KIF13A: variants seen among roughly 807,000 people sequenced by gnomAD.
KIF13A encodes kinesin-like protein KIF13A.
A neutral mutation model predicts 212.2 loss-of-function variants in KIF13A; 79 were observed. The observed-to-expected ratio is 0.37, with a 90% CI of 0.31 to 0.45. KIF13A has a LOEUF of 0.45. Among genes scored for constraint, KIF13A ranks in the 20% least tolerant of loss-of-function variants. The pLI, the probability that KIF13A is intolerant of heterozygous loss-of-function variation, is 1.00. For missense variants in KIF13A, 1,901 were observed against 2,209.0 expected (o/e 0.86, Z 2.79); for synonymous variants, 789 against 808.6 (o/e 0.98, Z 0.41).
At chr6:17,966,048 G>A (rs551278149) in intron 2 of KIF13A, among the ~76,000 whole-genome samples, 80 of 152,288 alleles carry the variant, frequency 5.3e-4, no homozygotes, top group African/African-American at 1.8e-3. Flanking sequence ...ACAAAAATTA[G>A]CTGGATGTGA....
chr6:17,789,820 CA>C lies in KIF13A; in HGVS notation c.3261+51del. On this transcript the variant is annotated intron_variant, in intron 26 of 38. Transcript: ENST00000259711. This position sits in a 1 kb window ranked among gnomAD's most constrained non-coding sequence, Gnocchi z 4.8. ...CTGGCCTCTGCTTTGCGAATGCTGGCAATTAGCAGTAGCTGTGCCCCATGCC... is the reference window on the plus strand; with the variant it reads ...CTGGCCTCTGCTTTGCGAATGCTGGCATTAGCAGTAGCTGTGCCCCATGCC... 3 of 1,528,382 alleles carry C rather than the reference CA, an allele frequency of 2.0e-6. No individual in the cohort carries two copies. Among genetic ancestry groups the C allele is most frequent in the Non-Finnish European group, 2.7e-6 (3 of 1,106,786 alleles). The allele number at this position is 1,528,382 out of a possible 1,614,324, so 94.7% of individuals were successfully genotyped here.
chr6:17,821,871 C>A lies in KIF13A; in HGVS notation c.1786+3897G>T, dbSNP rs73371139. On this transcript the variant is annotated intron_variant, in intron 16 of 38. Coordinates refer to ENST00000259711, the MANE Select transcript of KIF13A (RefSeq NM_022113.6). Reference sequence around the variant, plus strand: ...TCAAATAAGACCACCAAGGGGATGACCACCAGGCAGACAGGCTTATTATCG... The same window carrying A: ...TCAAATAAGACCACCAAGGGGATGAACACCAGGCAGACAGGCTTATTATCG... 3,883 of 1,535,236 alleles carry A rather than the reference C, an allele frequency of 2.5e-3. 73 individuals are homozygous for A. The African/African-American group carries it at 0.045, about 18-fold the overall frequency.
At chr6:17,859,295 C>T (rs1257147327) in intron 4 of KIF13A, among the ~76,000 whole-genome samples, 2 of 151,862 alleles carry the variant, frequency 1.3e-5, no homozygotes, top group African/African-American at 4.8e-5. Flanking sequence ...TCAAAGAACT[C>T]CCCAGCATAT....
chr6:17,821,673 C>T, intron 16 of KIF13A: 1 of 1,219,978 alleles, frequency 8.2e-7, no homozygotes, highest in Non-Finnish European at 1.1e-6. Flanking sequence ...ACTCCAGCTT[C>T]TTCCCAATCA....
chr6:17,760,538 C>CTA (rs747504752), downstream of KIF13A: 48 of 383,964 alleles, frequency 1.3e-4, no homozygotes, highest in Non-Finnish European at 1.9e-4. Flanking sequence ...CTGTTGGAAT[C>CTA]TGTAGAGGTT....
intron 9 of KIF13A, among the ~76,000 whole-genome samples, chr6:17,848,558 C>G (rs1173230928): frequency 4.4e-5 from 3 of 68,856 alleles, no homozygotes; most frequent in African/African-American, 1.7e-4. Context: ...ACTCGTACAT[C>G]TTTTTTTTTT....
At chr6:17,857,969 C>A (rs571399854) in intron 4 of KIF13A, among the ~76,000 whole-genome samples, 34 of 152,016 alleles carry the variant, frequency 2.2e-4, no homozygotes, top group Non-Finnish European at 4.4e-4. Context: ...AAACAATAAA[C>A]CCCCAACACC....
In KIF13A at chr6:17,855,770, G is replaced by C. The variant is rs1355766597; in HGVS notation, c.314-153C>G. Reference sequence around the variant, plus strand: ...ACCCTGTTGCTCAGGCTGGAGTGCAGTGGTGTGATCATGGCTCACTACAGT... The same window carrying C: ...ACCCTGTTGCTCAGGCTGGAGTGCACTGGTGTGATCATGGCTCACTACAGT... On this transcript the variant is annotated intron_variant, in intron 5 of 38. Coordinates refer to ENST00000259711, the MANE Select transcript of KIF13A (RefSeq NM_022113.6). This position sits in a 1 kb window ranked among gnomAD's most constrained non-coding sequence, Gnocchi z 4.1. Among the ~76,000 whole-genome samples, 1 of 152,226 alleles carries C rather than the reference G, an allele frequency of 6.6e-6. No individual in the cohort carries two copies. Among genetic ancestry groups the C allele is most frequent in the Non-Finnish European group, 1.5e-5 (1 of 68,038 alleles).
At chr6:17,973,998 A>C (rs12190794) in intron 2 of KIF13A, among the ~76,000 whole-genome samples, 33,640 of 152,198 alleles carry the variant, frequency 0.22, 4,279 homozygotes, top group African/African-American at 0.35. Flanking sequence ...TTCCCCTCTA[A>C]TGTAATTCAA....
chr6:17,789,671 T>C lies in KIF13A; in HGVS notation c.3261+201A>G, dbSNP rs778600640. Among the ~76,000 whole-genome samples, 1 of 152,216 alleles carries C rather than the reference T, an allele frequency of 6.6e-6. No homozygotes were observed. Among genetic ancestry groups the C allele is most frequent in the Non-Finnish European group, 1.5e-5 (1 of 68,040 alleles). ...GATGGCATAGCAAAAAGGCAATATTTAGTTATAAATTTTGAACTGACAAGG... is the reference window on the plus strand; with the variant it reads ...GATGGCATAGCAAAAAGGCAATATTCAGTTATAAATTTTGAACTGACAAGG... On this transcript the variant is annotated intron_variant, in intron 26 of 38. Transcript: ENST00000259711. The surrounding 1 kb of genome is among the most constrained non-coding windows in gnomAD (Gnocchi z 4.8).
chr6:17,797,048 G>C lies in KIF13A; in HGVS notation c.2791-228C>G, dbSNP rs568333541. ...CCGTTTCTTTCTTTTTTTTTTTCTT[G>C]AGACAGAGTCTTGCTCTGTCGCCCA... On this transcript the variant is annotated intron_variant, in intron 22 of 38. Transcript: ENST00000259711. Among the ~76,000 whole-genome samples the C allele has an allele frequency of 4.2e-3, 596 of 141,192 alleles. 6 individuals carry two copies. Among genetic ancestry groups the C allele is most frequent in the African/African-American group, 0.014 (550 of 38,202 alleles). The allele number at this position is 141,192 out of a possible 152,430, so 92.6% of individuals were successfully genotyped here. A position where few individuals can be genotyped will look rare whatever the true frequency, so the allele number is the denominator to read the frequency against.
At chr6:17,853,309 T>C (rs1192165541) in intron 6 of KIF13A, among the ~76,000 whole-genome samples, 1 of 152,164 alleles carries the variant, frequency 6.6e-6, no homozygotes, top group Non-Finnish European at 1.5e-5. Context: ...TCTATAATGC[T>C]ATTCAGCAGC....
Position 17,851,980 on chromosome 6 carries a change from G to A in KIF13A, c.557C>T (p.Ser186Phe). Residue 186 changes from serine to phenylalanine, a missense_variant, in exon 7 of 39, where the codon TCT becomes TTT. By Grantham distance (155) the Ser-to-Phe change is radical. Around this residue, in one of 5 missense-constraint regions of KIF13A, gnomAD observed 506 missense variants for 637.4 expected, o/e 0.79. Coordinates refer to ENST00000259711, the MANE Select transcript of KIF13A (RefSeq NM_022113.6). ...CTCAAAACTAGTGACAGCTAGTTGA[G>A]ATAAACCATCTACATATGGTCCCAA... The part of the protein sequence containing the change: ...KVLGPYVDGL[S>F]QLAVTSFEDI... The A allele has an allele frequency of 1.9e-6, 3 of 1,550,114 alleles. No homozygotes were observed. The highest frequency in any genetic ancestry group is 2.6e-6 in the Non-Finnish European group (3 of 1,151,408).
At chr6:17,857,647 GACA>G (rs945560551) in intron 4 of KIF13A, among the ~76,000 whole-genome samples, 3 of 152,086 alleles carry the variant, frequency 2.0e-5, no homozygotes, top group African/African-American at 7.2e-5. Context: ...ATAAAATTCT[GACA>G]ACATCAAATA....
chr6:17,974,835 T>TA (rs555113644), intron 2 of KIF13A, among the ~76,000 whole-genome samples: 20 of 152,354 alleles, frequency 1.3e-4, no homozygotes, highest in African/African-American at 4.6e-4. Flanking sequence ...TATAGCTGTT[T>TA]AAATCAATGA....
intron 4 of KIF13A, among the ~76,000 whole-genome samples, chr6:17,869,199 G>A (rs1242942835): frequency 6.6e-6 from 1 of 151,984 alleles, no homozygotes; most frequent in Non-Finnish European, 1.5e-5. Context: ...ATTCCAGGCT[G>A]TATCTCCTCC....
At chr6:17,864,367 A>ACAGG (rs1471305732) in intron 4 of KIF13A, among the ~76,000 whole-genome samples, 1 of 152,228 alleles carries the variant, frequency 6.6e-6, no homozygotes, top group African/African-American at 2.4e-5. Context: ...GTCTTAAAAC[A>ACAGG]CAGGCATGCC....
At chr6:17,950,149 T>C (rs567305585) in intron 2 of KIF13A, among the ~76,000 whole-genome samples, 2 of 152,322 alleles carry the variant, frequency 1.3e-5, no homozygotes, top group East Asian at 1.9e-4. Context: ...ACTTAATCCA[T>C]GTTATTTTGT....
In KIF13A at chr6:17,849,263, T is replaced by C. The variant is rs1767395706; in HGVS notation, c.830+114A>G. The C allele has an allele frequency of 1.5e-6, 1 of 682,552 alleles. No homozygotes were observed. The highest frequency in any genetic ancestry group is 2.0e-5 in the South Asian group (1 of 49,462). The allele number at this position is 682,552 out of a possible 1,614,324, so 42.3% of individuals were successfully genotyped here. On this transcript the variant is annotated intron_variant, in intron 9 of 38. Transcript: ENST00000259711. The surrounding 1 kb of genome is among the most constrained non-coding windows in gnomAD (Gnocchi z 5.7). ...GTTGTTTTTCTTCAGCCCAGTTTAC[T>C]AAAGCTATACAGACTTTAAACAACC...
Sources: allele counts gnomAD v4.1 joint callset (sites outside exome capture counted in the v4.1 genomes callset), GRCh38; gene constraint gnomAD v4.1.1; regional missense constraint gnomAD v4.1.1; non-coding constraint Gnocchi (gnomAD v3.1); transcripts MANE v1.5; gene names NCBI Gene and HGNC (gene_info 2026-07-23, HGNC 2026-07-21).